The following WDR70 variants were observed in gnomAD, a reference collection of about 807,000 sequenced individuals.
WDR70 encodes WD repeat-containing protein 70.
Under a neutral mutation model 88.6 loss-of-function variants are expected in WDR70, and 53 were observed. The ratio of observed to expected loss-of-function variants is 0.60; its 90% CI spans 0.48 to 0.75. The LOEUF (loss-of-function observed/expected upper bound fraction) is 0.75, where lower values mean the gene tolerates loss of function less well. Among genes scored for constraint, WDR70 ranks in the 30% least tolerant of loss-of-function variants. WDR70 has a pLI of 0.00. For synonymous variants in WDR70, 280 were observed against 270.0 expected, an observed-to-expected ratio of 1.04 and a Z score of -0.36; for missense variants, 610 against 823.2, an observed-to-expected ratio of 0.74 and a Z score of 3.17.
At chr5:37,623,899 A>G (rs1463868442) in intron 10 of WDR70, among the ~76,000 whole-genome samples, 1 of 152,196 alleles carries the variant, frequency 6.6e-6, no homozygotes, top group Non-Finnish European at 1.5e-5. Context: ...ATTGACAAGT[A>G]ATAATTATAC....
At chr5:37,568,178 G>A (rs1303081091) in intron 9 of WDR70, among the ~76,000 whole-genome samples, 1 of 152,080 alleles carries the variant, frequency 6.6e-6, no homozygotes, top group Non-Finnish European at 1.5e-5. Flanking sequence ...TCCTTCTTGT[G>A]GTACAGGGGT....
chr5:37,403,427 CA>C (rs1029481189), intron 5 of WDR70, among the ~76,000 whole-genome samples: 5 of 152,186 alleles, frequency 3.3e-5, no homozygotes, highest in African/African-American at 9.6e-5. Flanking sequence ...TTCCCCACTG[CA>C]GCAAGATTAA....
chr5:37,581,305 AT>A (rs1743211122), intron 9 of WDR70, among the ~76,000 whole-genome samples: 1 of 152,178 alleles, frequency 6.6e-6, no homozygotes, highest in Non-Finnish European at 1.5e-5. Context: ...GGCATTTACT[AT>A]GGGCAAGAGA....
intron 17 of WDR70, among the ~76,000 whole-genome samples, chr5:37,739,004 G>A (rs1748386908): frequency 6.6e-6 from 1 of 152,186 alleles, no homozygotes; most frequent in Admixed American, 6.5e-5. Context: ...TGACCACGTT[G>A]ATGTCTAATC....
At chr5:37,558,021 G>A (rs1479092010) in intron 9 of WDR70, among the ~76,000 whole-genome samples, 5 of 20,072 alleles carry the variant, frequency 2.5e-4, no homozygotes, top group East Asian at 2.1e-3. Context: ...AACTAATATC[G>A]GTTTATTACA....
At chr5:37,558,867 T>C (rs1342193593) in intron 9 of WDR70, among the ~76,000 whole-genome samples, 2 of 152,146 alleles carry the variant, frequency 1.3e-5, no homozygotes, top group African/African-American at 4.8e-5. Flanking sequence ...TTCCCATAGC[T>C]GGATTATTAA....
intron 8 of WDR70, among the ~76,000 whole-genome samples, chr5:37,513,541 A>T (rs1740787379): frequency 6.6e-6 from 1 of 152,226 alleles, no homozygotes; most frequent in South Asian, 2.1e-4. Context: ...AGGGTTCCCT[A>T]GAGGGACAGA....
intron 9 of WDR70, among the ~76,000 whole-genome samples, chr5:37,585,365 A>G (rs1003564139): frequency 6.6e-6 from 1 of 152,178 alleles, no homozygotes; most frequent in African/African-American, 2.4e-5. Context: ...AATTAGTGGA[A>G]TAGAGCTGAG....
intron 2 of WDR70, among the ~76,000 whole-genome samples, chr5:37,379,837 T>C (rs1269882676): frequency 1.3e-5 from 2 of 152,194 alleles, no homozygotes; most frequent in African/African-American, 4.8e-5. Context: ...ATAACAGCAT[T>C]TGTACGAGGA....
intron 5 of WDR70, among the ~76,000 whole-genome samples, chr5:37,406,967 A>G (rs1749372231): frequency 1.3e-5 from 2 of 152,220 alleles, no homozygotes; most frequent in African/African-American, 4.8e-5. Flanking sequence ...TCTACCTGAA[A>G]CAAAAGGAAC....
At chr5:37,488,330 G>A (rs1274777082) in intron 8 of WDR70, among the ~76,000 whole-genome samples, 2 of 151,412 alleles carry the variant, frequency 1.3e-5, no homozygotes, top group Non-Finnish European at 2.9e-5. Context: ...TCTTGTATCT[G>A]TATGTCTAAG....
intron 3 of WDR70, among the ~76,000 whole-genome samples, chr5:37,383,603 G>T (rs1408713464): frequency 1.3e-5 from 2 of 150,630 alleles, no homozygotes; most frequent in East Asian, 3.9e-4. Flanking sequence ...TTTTTGAGAT[G>T]GCGTCTCGCT....
intron 17 of WDR70, among the ~76,000 whole-genome samples, chr5:37,729,352 A>G (rs554026869): frequency 2.6e-5 from 4 of 151,746 alleles, no homozygotes; most frequent in African/African-American, 7.3e-5. Context: ...ACATGTATGC[A>G]TACTAAGCTA....
chr5:37,544,240 T>C (rs375650394), intron 9 of WDR70, among the ~76,000 whole-genome samples: 1 of 152,136 alleles, frequency 6.6e-6, no homozygotes, highest in Non-Finnish European at 1.5e-5. Flanking sequence ...AGAATATCCA[T>C]GGAGAAAGAG....
intron 10 of WDR70, among the ~76,000 whole-genome samples, chr5:37,623,837 A>G (rs939464001): frequency 6.6e-6 from 1 of 152,200 alleles, no homozygotes; most frequent in African/African-American, 2.4e-5. Context: ...TCAATAAAGT[A>G]TACATTTATT....
In WDR70 at chr5:37,628,028, G is replaced by A. The variant is rs116791971; in HGVS notation, c.1092+22790G>A. The stretch of plus-strand genomic sequence containing the variant: ...CAGCCTTGAATTCCTGGGCTCAAAC[G>A]ATACTCCTTCCTCAGCCTCCTTAGT... On this transcript the variant is annotated intron_variant, in intron 10 of 17. Coordinates refer to ENST00000265107, the MANE Select transcript of WDR70 (RefSeq NM_018034.4). Among the ~76,000 whole-genome samples the A allele has an allele frequency of 9.2e-5, 14 of 152,258 alleles. No homozygotes were observed. In the Middle Eastern group the frequency reaches 0.01, roughly 111 times the overall value.
chr5:37,594,100 C>A (rs1472490969), intron 9 of WDR70, among the ~76,000 whole-genome samples: 1 of 152,114 alleles, frequency 6.6e-6, no homozygotes, highest in African/African-American at 2.4e-5. Flanking sequence ...CTGCAGGTTG[C>A]CTGTTCACTC....
chr5:37,549,832 G>A (rs1162981613), intron 9 of WDR70, among the ~76,000 whole-genome samples: 1 of 151,426 alleles, frequency 6.6e-6, no homozygotes, highest in East Asian at 1.9e-4. Context: ...GTTATTTTAG[G>A]GTTTTTATCA....
intron 9 of WDR70, among the ~76,000 whole-genome samples, chr5:37,548,850 C>T (rs1007124511): frequency 3.3e-5 from 5 of 152,264 alleles, no homozygotes; most frequent in African/African-American, 1.2e-4. Flanking sequence ...TAGTTTTGTT[C>T]TTCTGCATAT....
Sources: gnomAD v4.1 joint callset for allele counts (sites outside exome capture counted in the v4.1 genomes callset) on GRCh38, gnomAD v4.1.1 for gene constraint, MANE v1.5 for transcripts, NCBI Gene and HGNC (gene_info 2026-07-23, HGNC 2026-07-21) for gene names.